GABRA2: variants seen among roughly 807,000 people sequenced by gnomAD.
GABRA2 encodes gamma-aminobutyric acid type A receptor subunit alpha2, also known as gamma-aminobutyric acid receptor subunit alpha-2.
Under a neutral mutation model 48.7 loss-of-function variants are expected in GABRA2, and 16 were observed. The observed-to-expected ratio is 0.33, with a 90% CI of 0.22 to 0.50. GABRA2 has a LOEUF of 0.50. GABRA2 is among the 20% of genes least tolerant of loss of function. The pLI, the probability that GABRA2 is intolerant of heterozygous loss-of-function variation, is 0.98. For synonymous variants in GABRA2, 185 were observed against 184.5 expected (o/e 1.00, Z -0.02); for missense variants, 275 against 535.6 (o/e 0.51, Z 4.80).
chr4:46,322,773 A>T (rs777806797), intron 4 of GABRA2, among the ~76,000 whole-genome samples: 2 of 152,004 alleles, frequency 1.3e-5, no homozygotes, highest in African/African-American at 4.8e-5. Flanking sequence ...ATACTGAGCC[A>T]TAATGTTTCT....
intron 6 of GABRA2, among the ~76,000 whole-genome samples, chr4:46,307,751 T>C (rs1348680671): frequency 6.6e-6 from 1 of 152,202 alleles, no homozygotes; most frequent in Non-Finnish European, 1.5e-5. Context: ...TTAAAGAAAG[T>C]GACTGATTCT....
chr4:46,332,334 T>A (rs1731507826), intron 4 of GABRA2, among the ~76,000 whole-genome samples: 1 of 152,126 alleles, frequency 6.6e-6, no homozygotes, highest in African/African-American at 2.4e-5. Flanking sequence ...AGAAAATGTT[T>A]CTTCTTAATA....
chr4:46,267,073 A>C (rs1381446067), intron 8 of GABRA2, among the ~76,000 whole-genome samples: 5 of 151,976 alleles, frequency 3.3e-5, no homozygotes, highest in Non-Finnish European at 7.4e-5. Context: ...CTGTGACTAC[A>C]GTATATTCAT....
chr4:46,355,450 G>C lies in GABRA2; in HGVS notation c.188-22768C>G, dbSNP rs536455085. Among the ~76,000 whole-genome samples the C allele has an allele frequency of 1.1e-3, 167 of 152,216 alleles. 2 individuals are homozygous for C. Among genetic ancestry groups the C allele is most frequent in the African/African-American group, 4.0e-3 (165 of 41,544 alleles). ...AGGGATAATATATCCTTTGGGGTCAGGCTATGCTCCATTTTTTCCCCCAGT... is the reference window on the plus strand; with the variant it reads ...AGGGATAATATATCCTTTGGGGTCACGCTATGCTCCATTTTTTCCCCCAGT... On this transcript the variant is annotated intron_variant, in intron 3 of 9. Transcript: ENST00000381620.
intron 3 of GABRA2, among the ~76,000 whole-genome samples, chr4:46,333,768 T>G (rs942572236): frequency 3.3e-5 from 5 of 152,088 alleles, no homozygotes; most frequent in African/African-American, 1.2e-4. Context: ...GTTACCCCTA[T>G]GCATGTGTAC....
intron 8 of GABRA2, among the ~76,000 whole-genome samples, chr4:46,265,560 A>G (rs980441245): frequency 1.4e-5 from 2 of 146,750 alleles, no homozygotes; most frequent in African/African-American, 2.6e-5. Flanking sequence ...TAGTAATTTG[A>G]TTTTTTTCTC....
chr4:46,261,920 A>T lies in GABRA2; in HGVS notation c.1059+6T>A, dbSNP rs1272713830. The T allele has an allele frequency of 6.2e-7, 1 of 1,610,310 alleles. No individual in the cohort carries two copies. Among genetic ancestry groups the T allele is most frequent in the Admixed American group, 1.7e-5 (1 of 59,958 alleles). ...TAATAATGATAACACGGAAGCTCTC[A>T]CTTACCTTGTCATTTACTACACTCT... On this transcript the variant is annotated splice_donor_region_variant and intron_variant, in intron 9 of 9. Transcript: ENST00000381620.
intron 3 of GABRA2, among the ~76,000 whole-genome samples, chr4:46,341,341 G>T (rs1733188873): frequency 6.6e-6 from 1 of 151,864 alleles, no homozygotes; most frequent in Admixed American, 6.6e-5. Flanking sequence ...AATACTATAT[G>T]ATAACTCTAA....
At chr4:46,389,712 G>T in intron 1 of GABRA2, 23 bp downstream of exon 1, 1 of 983,022 alleles carries the variant, frequency 1.0e-6, no homozygotes, top group Non-Finnish European at 1.2e-6. Flanking sequence ...TGTCTCTATC[G>T]GGACCAACGT....
intron 4 of GABRA2, among the ~76,000 whole-genome samples, chr4:46,322,705 C>T (rs1729664135): frequency 6.6e-6 from 1 of 151,960 alleles, no homozygotes; most frequent in African/African-American, 2.4e-5. Context: ...ATAAACAATA[C>T]TTTGCCCATG....
Position 46,388,630 on chromosome 4 carries a change from T to C in GABRA2, c.71+6A>G. The C allele has an allele frequency of 1.2e-6, 2 of 1,613,868 alleles. No homozygotes were observed. Among genetic ancestry groups the C allele is most frequent in the Non-Finnish European group, 1.7e-6 (2 of 1,179,894 alleles). On this transcript the variant is annotated splice_donor_region_variant and intron_variant, in intron 2 of 9. Transcript: ENST00000381620. ...TTAAAATAGTCAAATACAATAAATA[T>C]CTCACCTGGCAGGGTCCCACACCAA...
intron 9 of GABRA2, among the ~76,000 whole-genome samples, chr4:46,253,767 G>A (rs2109391941): frequency 6.6e-6 from 1 of 151,504 alleles, no homozygotes; most frequent in East Asian, 2.0e-4. Context: ...TTCACTGAAT[G>A]AAGGGCAGGG....
At chr4:46,332,520 A>G in intron 4 of GABRA2, 95 bp downstream of exon 4, 1 of 741,776 alleles carries the variant, frequency 1.3e-6, no homozygotes, top group East Asian at 2.5e-5. Flanking sequence ...TGAGACATAT[A>G]CATAATTCTA....
At chr4:46,319,853 A>T (rs113826871) in intron 4 of GABRA2, among the ~76,000 whole-genome samples, 2,330 of 151,964 alleles carry the variant, frequency 0.015, 60 homozygotes, top group African/African-American at 0.054. Flanking sequence ...TAGTTATAGT[A>T]GACAGCAATT....
chr4:46,262,184 G>A, intron 8 of GABRA2, 56 bp from the exon 9 acceptor site: 1 of 1,433,316 alleles, frequency 7.0e-7, no homozygotes, highest in South Asian at 1.2e-5. Context: ...AGGACAGCAT[G>A]GGAAGTAGCT....
chr4:46,337,879 T>C (rs1732532773), intron 3 of GABRA2, among the ~76,000 whole-genome samples: 1 of 151,932 alleles, frequency 6.6e-6, no homozygotes, highest in African/African-American at 2.4e-5. Flanking sequence ...TGGAAAATAT[T>C]CTTTTTAAAA....
chr4:46,259,467 G>A (rs879928401), intron 9 of GABRA2, among the ~76,000 whole-genome samples: 16 of 151,876 alleles, frequency 1.1e-4, no homozygotes, highest in Non-Finnish European at 1.6e-4. Context: ...GTATAACTGA[G>A]AGTGTTTATT....
At chr4:46,385,078 CATATATATATATATAT>C (rs36113226) in intron 3 of GABRA2, among the ~76,000 whole-genome samples, 6 of 143,546 alleles carry the variant, frequency 4.2e-5, no homozygotes, top group African/African-American at 1.0e-4. Flanking sequence ...AATTGCCTAA[CATATATATATATATAT>C]ATATATATAT....
Position 46,244,148 on chromosome 4 carries a change from T to A in GABRA2, c.*6160A>T, listed in dbSNP as rs531245755. 6 of 151,698 alleles carry A rather than the reference T, an allele frequency of 4.0e-5. No individual in the cohort carries two copies. The highest frequency in any genetic ancestry group is 1.3e-4 in the Admixed American group (2 of 15,176). The allele number at this position is 151,698 out of a possible 1,614,324, so 9.4% of individuals were successfully genotyped here. On this transcript the variant is annotated 3_prime_UTR_variant, in exon 10 of 10. Coordinates refer to ENST00000381620, the MANE Select transcript of GABRA2 (RefSeq NM_000807.4). ...AAGTTTAATTCATGAGAATTGTGGC[T>A]CAATAATTGAGTTTTACTTATGTCT...
Sources: gnomAD v4.1 joint callset for allele counts (sites outside exome capture counted in the v4.1 genomes callset) on GRCh38, gnomAD v4.1.1 for gene constraint, MANE v1.5 for transcripts, NCBI Gene and HGNC (gene_info 2026-07-23, HGNC 2026-07-21) for gene names.